The following VASP variants were observed in gnomAD, a reference collection of about 807,000 sequenced individuals.
The protein encoded by VASP is vasodilator-stimulated phosphoprotein.
Under a neutral mutation model 54.4 loss-of-function variants are expected in VASP, and 27 were observed. The ratio of observed to expected loss-of-function variants is 0.50; its 90% CI spans 0.37 to 0.68. The LOEUF (loss-of-function observed/expected upper bound fraction) is 0.68, where lower values mean the gene tolerates loss of function less well. Ranked by LOEUF, VASP falls within the 30% of genes least tolerant of loss-of-function variation. VASP has a pLI of 0.00. For missense variants in VASP, 488 were observed against 528.3 expected, an observed-to-expected ratio of 0.92 and a Z score of 0.75; for synonymous variants, 233 against 209.8, an observed-to-expected ratio of 1.11 and a Z score of -0.96.
At chr19:45,513,489 T>TTTTTTTTTTG (rs1968642417) in intron 1 of VASP, among the ~76,000 whole-genome samples, 1 of 113,276 alleles carries the variant, frequency 8.8e-6, no homozygotes, top group African/African-American at 3.3e-5. Context: ...TTTTTTTTTT[T>TTTTTTTTTTG]GAGACAGAGT....
rs935859191 is a variant in VASP, at chr19:45,524,160, G to A, written c.956+18G>A. The A allele has an allele frequency of 6.2e-6, 10 of 1,612,580 alleles. No individual in the cohort carries two copies. The highest frequency in any genetic ancestry group is 3.3e-5 in the Admixed American group (2 of 59,958). ...TTGCCAAGGTAGGCCATCGGTCCTGGGGCCCTTGGGGAGGTAAAGGCGGGC... is the reference window on the plus strand; with the variant it reads ...TTGCCAAGGTAGGCCATCGGTCCTGAGGCCCTTGGGGAGGTAAAGGCGGGC... On this transcript the variant is annotated intron_variant, in intron 10 of 12. Coordinates refer to ENST00000245932, the MANE Select transcript of VASP (RefSeq NM_003370.4).
chr19:45,524,046 TG>T lies in VASP; in HGVS notation c.911-45del, dbSNP rs772475504. ...ATGAGGTTGGGGGAGTAAGATTGAT[TG>T]GGGGGCAGTCTTTTGTCCCTGATCT... On this transcript the variant is annotated intron_variant, in intron 9 of 12. Transcript: ENST00000245932. 14 of 1,596,832 alleles carry T rather than the reference TG, an allele frequency of 8.8e-6. No individual in the cohort carries two copies. In the African/African-American group the frequency reaches 1.1e-4, roughly 12 times the overall value.
At chr19:45,519,095 A>G (rs1414788930) in intron 3 of VASP, among the ~76,000 whole-genome samples, 1 of 151,954 alleles carries the variant, frequency 6.6e-6, no homozygotes, top group East Asian at 1.9e-4. Context: ...CCTCACTGCA[A>G]CCTCCGCCTC....
At chr19:45,524,466 C>A in intron 10 of VASP, 104 bp from the exon 11 acceptor site, 1 of 1,215,078 alleles carries the variant, frequency 8.2e-7, no homozygotes, top group South Asian at 1.3e-5. Context: ...TTGGACTTGC[C>A]CAATTTATAA....
chr19:45,525,915 C>G (rs377475555), intron 11 of VASP, 31 bp from the exon 12 acceptor site: 2 of 1,599,756 alleles, frequency 1.3e-6, no homozygotes, highest in Admixed American at 1.8e-5. Context: ...CCGGTACCCC[C>G]TCCTGATTAG....
rs746325938 is a variant in VASP, at chr19:45,522,360, G to A, written c.499G>A (p.Ala167Thr). The change falls in exon 6 of 13, where the codon GCT becomes ACT. Residue 167 changes from alanine to threonine, a missense_variant. This residue lies in a region of VASP where 226 missense variants were observed against 196.0 expected (regional missense o/e 1.15). Coordinates refer to ENST00000245932, the MANE Select transcript of VASP (RefSeq NM_003370.4). ...TTCAGGAGGCCCACCTGCTCCCCCCGCTGGGGGTCCACCCCCACCACCAGG... is the reference window on the plus strand; with the variant it reads ...TTCAGGAGGCCCACCTGCTCCCCCCACTGGGGGTCCACCCCCACCACCAGG... ...SNAGGPPAPPAGGPPPPPGPP... is the reference protein window; with the variant it reads ...SNAGGPPAPPTGGPPPPPGPP... 3.9e-5 allele frequency: 61 copies of A among 1,574,374 alleles called. No homozygotes were observed. Among genetic ancestry groups the A allele is most frequent in the African/African-American group, 1.6e-4 (12 of 73,898 alleles).
At position 45,523,709 on chromosome 19, in the gene VASP, T is replaced by C. The variant is rs1467303220; in HGVS notation, c.873+14T>C. On this transcript the variant is annotated intron_variant, in intron 8 of 12. Coordinates refer to ENST00000245932, the MANE Select transcript of VASP (RefSeq NM_003370.4). ...GAATCTGCCAATGTAAGTCAGGGAC[T>C]CTTCTTGCCCTACATCTCTTAGGCC... 5.6e-6 allele frequency: 9 copies of C among 1,614,074 alleles called. No individual in the cohort carries two copies. Among genetic ancestry groups the C allele is most frequent in the South Asian group, 2.2e-5 (2 of 91,076 alleles).
At chr19:45,520,680 G>A (rs1968811700) in intron 3 of VASP, among the ~76,000 whole-genome samples, 1 of 152,144 alleles carries the variant, frequency 6.6e-6, no homozygotes, top group African/African-American at 2.4e-5. Flanking sequence ...GAGCTAGCCA[G>A]GGGCCAGGTG....
At position 45,523,763 on chromosome 19, in the gene VASP, T is replaced by C. The variant is rs1470188714; in HGVS notation, c.873+68T>C. The C allele has an allele frequency of 3.7e-6, 6 of 1,613,770 alleles. No homozygotes were observed. The Admixed American group carries it at 1.0e-4, about 27-fold the overall frequency. ...CCATGAGGGTAGGGATAGTGGGATG[T>C]GTGGGGTTTGAACCTGAAAGAGGAA... On this transcript the variant is annotated intron_variant, in intron 8 of 12. Coordinates refer to ENST00000245932, the MANE Select transcript of VASP (RefSeq NM_003370.4).
chr19:45,509,397 C>CT (rs1968554648), intron 1 of VASP, among the ~76,000 whole-genome samples: 1 of 152,186 alleles, frequency 6.6e-6, no homozygotes, highest in Non-Finnish European at 1.5e-5. Flanking sequence ...CTCCACCCCC[C>CT]CTCGCGTTTC....
intron 11 of VASP, 102 bp from the exon 12 acceptor site, chr19:45,525,843 TG>T: frequency 8.4e-7 from 1 of 1,185,106 alleles, no homozygotes; most frequent in Non-Finnish European, 1.2e-6. Context: ...CACCCTAGCC[TG>T]GGCAACAGAG....
chr19:45,522,275 C>A, intron 5 of VASP, 58 bp downstream of exon 5: 1 of 1,614,058 alleles, frequency 6.2e-7, no homozygotes. Flanking sequence ...AAGTGGCCAG[C>A]CAGCTGGACA....
intron 1 of VASP, among the ~76,000 whole-genome samples, chr19:45,508,349 A>C (rs1488151401): frequency 6.6e-6 from 1 of 152,128 alleles, no homozygotes; most frequent in Non-Finnish European, 1.5e-5. Flanking sequence ...CCTGTGGAGG[A>C]GGCTGGTGTG....
chr19:45,509,932 G>A (rs1331244915), intron 1 of VASP, among the ~76,000 whole-genome samples: 1 of 152,176 alleles, frequency 6.6e-6, no homozygotes, highest in Non-Finnish European at 1.5e-5. Flanking sequence ...TTGGAAGAGA[G>A]GATGTTAAGA....
In VASP at chr19:45,522,366, G is replaced by A. The variant is rs775965713; in HGVS notation, c.505G>A (p.Gly169Ser). 1.3e-6 allele frequency: 2 copies of A among 1,565,650 alleles called. No homozygotes were observed. Among genetic ancestry groups the A allele is most frequent in the South Asian group, 1.2e-5 (1 of 85,758 alleles). The part of the protein sequence containing the change: ...AGGPPAPPAG[G>S]PPPPPGPPPP... ...AGGCCCACCTGCTCCCCCCGCTGGG[G>A]GTCCACCCCCACCACCAGGACCTCC... The change falls in exon 6 of 13, where the codon GGT becomes AGT. Residue 169 changes from glycine to serine, a missense_variant. Coordinates refer to ENST00000245932, the MANE Select transcript of VASP (RefSeq NM_003370.4).
In VASP at chr19:45,518,047, C is replaced by A; in HGVS notation, c.296C>A (p.Ala99Glu). The change falls in exon 3 of 13, where the codon GCG becomes GAG. Residue 99 changes from alanine (A) to glutamate (E), a missense_variant. Around this residue, in one of 4 missense-constraint regions of VASP, gnomAD observed 127 missense variants for 170.7 expected, o/e 0.74. Coordinates refer to ENST00000245932, the MANE Select transcript of VASP (RefSeq NM_003370.4). ...WGLNFGSKED[A>E]AQFAAGMASA... Reference sequence around the variant, plus strand: ...CTCAACTTCGGCAGCAAGGAGGATGCGGCCCAGTTTGCCGCCGGCATGGCC... The same window carrying A: ...CTCAACTTCGGCAGCAAGGAGGATGAGGCCCAGTTTGCCGCCGGCATGGCC... The A allele has an allele frequency of 1.2e-6, 2 of 1,613,854 alleles. No individual in the cohort carries two copies. The highest frequency in any genetic ancestry group is 1.7e-6 in the Non-Finnish European group (2 of 1,180,002).
At chr19:45,524,926 A>C (rs1033004184) in intron 11 of VASP, 3 of 363,558 alleles carry the variant, frequency 8.3e-6, no homozygotes, top group Admixed American at 3.8e-5. Context: ...GTCCATCACC[A>C]ATTGGAGTTG....
intron 1 of VASP, among the ~76,000 whole-genome samples, chr19:45,508,426 GCACA>G (rs1356885160): frequency 6.6e-6 from 1 of 152,096 alleles, no homozygotes; most frequent in African/African-American, 2.4e-5. Flanking sequence ...CCGTCGCTCC[GCACA>G]CAATCTGCTT....
intron 10 of VASP, 131 bp downstream of exon 10, chr19:45,524,273 T>C (rs1968911441): frequency 9.6e-7 from 1 of 1,046,026 alleles, no homozygotes; most frequent in African/African-American, 1.6e-5. Flanking sequence ...GTGGTAGCAC[T>C]TACCTGTGGT....
Sources: allele counts gnomAD v4.1 joint callset (sites outside exome capture counted in the v4.1 genomes callset), GRCh38; gene constraint gnomAD v4.1.1; regional missense constraint gnomAD v4.1.1; transcripts MANE v1.5; gene names NCBI Gene and HGNC (gene_info 2026-07-23, HGNC 2026-07-21).